The following ERG variants were observed in gnomAD, a reference collection of about 807,000 sequenced individuals.
ERG encodes the protein ETS transcription factor ERG, also known as transcriptional regulator ERG.
A neutral mutation model predicts 55.3 loss-of-function variants in ERG; 9 were observed. That is an observed-to-expected ratio of 0.16 (90% CI 0.10 to 0.28). ERG has a LOEUF of 0.28. ERG is among the 10% of genes least tolerant of loss of function. The pLI, the probability that ERG is intolerant of heterozygous loss-of-function variation, is 1.00. For synonymous variants in ERG, 223 were observed against 237.3 expected (o/e 0.94, Z 0.55); for missense variants, 434 against 631.6 (o/e 0.69, Z 3.35).
At chr21:38,587,446 C>T (rs1026838058), upstream of ERG, among the ~76,000 whole-genome samples, 1 of 152,008 alleles carries the variant, frequency 6.6e-6, no homozygotes, top group Non-Finnish European at 1.5e-5. Flanking sequence ...GCAACCTCCG[C>T]CTCCCAGGTT....
chr21:38,400,630 A>C lies in ERG; in HGVS notation c.689T>G (p.Ile230Ser), dbSNP rs968856573. The C allele has an allele frequency of 6.2e-6, 10 of 1,605,154 alleles. No individual in the cohort carries two copies. In the African/African-American group the frequency reaches 1.3e-4, roughly 21 times the overall value. The change falls in exon 6 of 10, where the codon ATT becomes AGT. Residue 230 changes from isoleucine (I) to serine (S), a missense_variant. Ile to Ser is a moderately radical substitution (Grantham distance 142). This residue lies in a region of ERG where 99 missense variants were observed against 145.6 expected (regional missense o/e 0.68). Coordinates refer to ENST00000288319, the MANE Select transcript of ERG (RefSeq NM_182918.4). ...AGGATATACTGAAGTATTTGGGAAAATAAAAGCTGCACCCCCTGCAGACAA... is the reference window on the plus strand; with the variant it reads ...AGGATATACTGAAGTATTTGGGAAACTAAAAGCTGCACCCCCTGCAGACAA... The part of the protein sequence containing the change: ...HARNTGGAAF[I>S]FPNTSVYPEA...
At chr21:38,436,949 G>C (rs535059787) in intron 2 of ERG, among the ~76,000 whole-genome samples, 2 of 147,134 alleles carry the variant, frequency 1.4e-5, no homozygotes, top group Non-Finnish European at 3.0e-5. Context: ...GTGCAGTGCC[G>C]TGATCTCAGC....
At chr21:38,398,366 G>A (rs1601333433) in intron 6 of ERG, among the ~76,000 whole-genome samples, 1 of 152,122 alleles carries the variant, frequency 6.6e-6, no homozygotes. Context: ...TAGTCCTCTG[G>A]CTTGTTCAGT....
chr21:38,640,913 A>G (rs938923975), intron 1 of ERG, among the ~76,000 whole-genome samples: 1 of 152,324 alleles, frequency 6.6e-6, no homozygotes, highest in African/African-American at 2.4e-5. Flanking sequence ...TTTTCATTAT[A>G]AGCGCAGAAA....
At position 38,480,591 on chromosome 21, in the gene ERG, C is replaced by CTTTTTTTTTTT. The variant is rs544037525; in HGVS notation, c.18+17761_18+17771dup. Reference sequence around the variant, plus strand: ...TTGCCACTTTAGGGCACTATATGGCCTTTTTTTTTTTTTTTTTTTTTTTGC... The same window carrying CTTTTTTTTTTT: ...TTGCCACTTTAGGGCACTATATGGCCTTTTTTTTTTTTTTTTTTTTTTTTTTTTTTTTTTGC... On this transcript the variant is annotated intron_variant, in intron 1 of 9. Coordinates refer to ENST00000288319, the MANE Select transcript of ERG (RefSeq NM_182918.4). Among the ~76,000 whole-genome samples the CTTTTTTTTTTT allele has an allele frequency of 6.7e-4, 34 of 51,120 alleles. 5 individuals are homozygous for CTTTTTTTTTTT. The highest frequency in any genetic ancestry group is 2.1e-3 in the South Asian group (2 of 972). 33.5% of individuals were successfully genotyped at this position (51,120 alleles called of 152,430 possible).
intron 1 of ERG, among the ~76,000 whole-genome samples, chr21:38,605,469 C>A (rs923226969): frequency 6.6e-5 from 10 of 152,098 alleles, no homozygotes; most frequent in African/African-American, 2.2e-4. Context: ...ATCCACCCTG[C>A]CCCCAAGAAA....
intron 2 of ERG, among the ~76,000 whole-genome samples, chr21:38,542,082 C>T (rs1255139859): frequency 6.6e-6 from 1 of 152,096 alleles, no homozygotes; most frequent in Non-Finnish European, 1.5e-5. Context: ...GTGTTCTCAG[C>T]TTACCACAAC....
chr21:38,520,463 C>T (rs2059586121), intron 2 of ERG, among the ~76,000 whole-genome samples: 1 of 152,196 alleles, frequency 6.6e-6, no homozygotes, highest in Non-Finnish European at 1.5e-5. Context: ...CATCTGTGTC[C>T]ATGAGGTGGG....
rs1240366924 is a variant in ERG at position 38,382,226 on chromosome 21, A to T, written c.*1177T>A. On this transcript the variant is annotated 3_prime_UTR_variant, in exon 10 of 10. Coordinates refer to ENST00000288319, the MANE Select transcript of ERG (RefSeq NM_182918.4). ...TAAATGCATAAGTTATATAATTATT[A>T]TATAAAAAGGGGGAAAAACATTGAC... 3 of 1,047,550 alleles carry T rather than the reference A, an allele frequency of 2.9e-6. No homozygotes were observed. The highest frequency in any genetic ancestry group is 3.5e-6 in the Non-Finnish European group (3 of 867,502). The allele number at this position is 1,047,550 out of a possible 1,614,324, so 64.9% of individuals were successfully genotyped here. A position where few individuals can be genotyped will look rare whatever the true frequency, so the allele number is the denominator to read the frequency against.
chr21:38,593,204 GC>G (rs777183777), intron 1 of ERG, among the ~76,000 whole-genome samples: 32 of 152,264 alleles, frequency 2.1e-4, no homozygotes, highest in Middle Eastern at 3.4e-3. Context: ...TCTGCCTGGG[GC>G]CCCCCTGTAA....
chr21:38,406,018 G>A (rs1988747451), intron 3 of ERG, among the ~76,000 whole-genome samples: 1 of 151,984 alleles, frequency 6.6e-6, no homozygotes, highest in African/African-American at 2.4e-5. Flanking sequence ...AGTCGGGCAT[G>A]GTGGCGGGTG....
In ERG at chr21:38,591,974, G is replaced by T. The variant is rs114633851; in HGVS notation, c.-149-7029C>A. On this transcript the variant is annotated intron_variant, in intron 1 of 10. Transcript: ENST00000398910. ...GAGCCAGTGGAGTAGAGGAGATAGA[G>T]ATTCTAGAGCCAGGGCACTTAAGGA... Among the ~76,000 whole-genome samples the T allele has an allele frequency of 5.6e-3, 846 of 152,330 alleles. 8 individuals are homozygous for T. Among genetic ancestry groups the T allele is most frequent in the African/African-American group, 0.019 (793 of 41,574 alleles).
chr21:38,626,775 T>C (rs2060327410), intron 1 of ERG, among the ~76,000 whole-genome samples: 1 of 152,208 alleles, frequency 6.6e-6, no homozygotes, highest in African/African-American at 2.4e-5. Flanking sequence ...ATAACCTTTA[T>C]TGATTGATTG....
intron 1 of ERG, among the ~76,000 whole-genome samples, chr21:38,619,670 A>C (rs2060278756): frequency 6.6e-6 from 1 of 152,252 alleles, no homozygotes; most frequent in South Asian, 2.1e-4. Flanking sequence ...AGAATTTATT[A>C]CCAGCCTTAC....
At chr21:38,458,311 C>A (rs202115498) in intron 1 of ERG, among the ~76,000 whole-genome samples, 1 of 151,842 alleles carries the variant, frequency 6.6e-6, no homozygotes, top group East Asian at 1.9e-4. Flanking sequence ...GTAATCCCAG[C>A]TACTCGGTAG....
downstream of ERG, among the ~76,000 whole-genome samples, chr21:38,375,607 G>T (rs1044132726): frequency 2.0e-5 from 3 of 152,144 alleles, no homozygotes; most frequent in African/African-American, 7.2e-5. Context: ...CAAAAACTGA[G>T]AATTGGATTG....
intron 2 of ERG, among the ~76,000 whole-genome samples, chr21:38,571,802 A>G (rs2059959474): frequency 6.6e-6 from 1 of 152,200 alleles, no homozygotes; most frequent in Non-Finnish European, 1.5e-5. Flanking sequence ...TTGTTCTGGC[A>G]GAAAAGAGTC....
intron 1 of ERG, among the ~76,000 whole-genome samples, chr21:38,634,879 T>G (rs1370827040): frequency 6.6e-6 from 1 of 152,162 alleles, no homozygotes; most frequent in East Asian, 1.9e-4. Flanking sequence ...TGAAGATAAC[T>G]GCTAAAACTT....
intron 3 of ERG, among the ~76,000 whole-genome samples, chr21:38,414,869 C>T (rs1989210969): frequency 6.6e-6 from 1 of 151,988 alleles, no homozygotes; most frequent in South Asian, 2.1e-4. Context: ...CATGCTAAAT[C>T]TAAGCTGTCT....
Sources: allele counts gnomAD v4.1 joint callset (sites outside exome capture counted in the v4.1 genomes callset), GRCh38; gene constraint gnomAD v4.1.1; regional missense constraint gnomAD v4.1.1; transcripts MANE v1.5; gene names NCBI Gene and HGNC (gene_info 2026-07-23, HGNC 2026-07-21).